The following ZNF469 variants were observed in gnomAD, a reference collection of about 807,000 sequenced individuals.
The protein encoded by ZNF469 is zinc finger protein 469.
Under a neutral mutation model 1.0 loss-of-function variants are expected in ZNF469, and 1 was observed. That is an observed-to-expected ratio of 1.00 (90% CI 0.35 to 4.73). ZNF469 has a LOEUF of 4.73. ZNF469 is among the 30% of genes most tolerant of loss of function. The pLI is 0.16. For missense variants in ZNF469, 6,100 were observed against 5,356.3 expected, an observed-to-expected ratio of 1.14 and a Z score of -4.33; for synonymous variants, 2,703 against 2,363.4, an observed-to-expected ratio of 1.14 and a Z score of -4.17.
At chr16:88,244,349 GTGAATGGGTGGATGGA>G in the ZNF469 span, among the ~76,000 whole-genome samples, 1 of 147,520 alleles carries the variant, frequency 6.8e-6, no homozygotes, top group African/African-American at 2.5e-5. Context: ...TAGTGGATGG[GTGAATGGGTGGATGGA>G]TGGATGGGTG....
chr16:88,226,356 G>A, the ZNF469 span, among the ~76,000 whole-genome samples: 76 of 152,190 alleles, frequency 5.0e-4, no homozygotes, highest in African/African-American at 1.8e-3. Flanking sequence ...AGGCGTAGGG[G>A]AGAGGCCACG....
chr16:88,199,536 G>A, the ZNF469 span, among the ~76,000 whole-genome samples: 1 of 152,192 alleles, frequency 6.6e-6, no homozygotes, highest in Non-Finnish European at 1.5e-5. Flanking sequence ...TGATGAAGGT[G>A]CCCTTGCTCC....
At chr16:88,229,216 A>AG in the ZNF469 span, among the ~76,000 whole-genome samples, 1 of 152,236 alleles carries the variant, frequency 6.6e-6, no homozygotes, top group Non-Finnish European at 1.5e-5. Flanking sequence ...ATTTTTCTCG[A>AG]GAAAAAAAAC....
chr16:88,290,199 C>T, the ZNF469 span, among the ~76,000 whole-genome samples: 1 of 152,266 alleles, frequency 6.6e-6, no homozygotes, highest in Non-Finnish European at 1.5e-5. Flanking sequence ...CGCTGCACCA[C>T]TGTCGCGGCA....
At chr16:88,324,224 G>A in the ZNF469 span, among the ~76,000 whole-genome samples, 10 of 152,370 alleles carry the variant, frequency 6.6e-5, no homozygotes, top group South Asian at 6.2e-4. Flanking sequence ...TGTCAGTTTC[G>A]GACCGCCAGC....
chr16:88,264,352 A>G, the ZNF469 span, among the ~76,000 whole-genome samples: 7 of 151,866 alleles, frequency 4.6e-5, no homozygotes, highest in African/African-American at 1.7e-4. Flanking sequence ...GCCAGCCCTG[A>G]TGCCCACCTT....
chr16:88,344,238 A>C, the ZNF469 span, among the ~76,000 whole-genome samples: 1 of 138,490 alleles, frequency 7.2e-6, no homozygotes, highest in Non-Finnish European at 1.6e-5. Context: ...GAGAAAGGGC[A>C]TGGGGGGAGA....
the ZNF469 span, among the ~76,000 whole-genome samples, chr16:88,335,041 C>T: frequency 5.3e-5 from 8 of 152,356 alleles, no homozygotes; most frequent in Admixed American, 5.2e-4. Flanking sequence ...GGGAGCCATG[C>T]AGCCACTGGG....
At chr16:88,380,910 A>C (rs537213454), upstream of ZNF469, among the ~76,000 whole-genome samples, 1 of 106,538 alleles carries the variant, frequency 9.4e-6, no homozygotes, top group Admixed American at 9.1e-5. Context: ...ACACACTCAC[A>C]GACATGCACT....
the ZNF469 span, among the ~76,000 whole-genome samples, chr16:88,356,835 G>A: frequency 3.9e-5 from 6 of 152,230 alleles, no homozygotes; most frequent in Non-Finnish European, 5.9e-5. Flanking sequence ...ATCAGTTCCT[G>A]GAGATGGGGC....
chr16:88,414,835 C>T (rs1156401289), intron 1 of ZNF469, among the ~76,000 whole-genome samples: 1 of 152,280 alleles, frequency 6.6e-6, no homozygotes, highest in Non-Finnish European at 1.5e-5. Flanking sequence ...ACGTCCACTG[C>T]CACCCGGCCC....
rs979013522 is a variant in ZNF469 at position 88,434,541 on chromosome 16, T to C, written c.7071T>C (p.Gly2357=). Residue 2357 remains glycine, a synonymous_variant, in exon 3 of 3, where the codon GGT becomes GGC. Transcript: ENST00000565624. ...AVPTEPPTLQ[G]AGPDSPACLE... ...CCACTGAGCCTCCCACGCTACAGGG[T>C]GCAGGGCCGGACTCCCCCGCCTGCC... The C allele has an allele frequency of 6.5e-7, 1 of 1,550,194 alleles. No individual in the cohort carries two copies. The highest frequency in any genetic ancestry group is 8.7e-7 in the Non-Finnish European group (1 of 1,146,926).
chr16:88,204,722 C>T, the ZNF469 span, among the ~76,000 whole-genome samples: 1 of 152,220 alleles, frequency 6.6e-6, no homozygotes, highest in Non-Finnish European at 1.5e-5. Flanking sequence ...GCCGTCTCCG[C>T]TGTGGTCTCA....
chr16:88,234,560 C>T, the ZNF469 span, among the ~76,000 whole-genome samples: 165 of 152,306 alleles, frequency 1.1e-3, no homozygotes, highest in African/African-American at 3.8e-3. Context: ...CAGGGCTGAC[C>T]GTGGCACAGC....
At chr16:88,307,560 C>T in the ZNF469 span, among the ~76,000 whole-genome samples, 1 of 152,200 alleles carries the variant, frequency 6.6e-6, no homozygotes, top group East Asian at 1.9e-4. Context: ...AGTGGCATCT[C>T]ATTGTGGTTT....
Position 88,439,100 on chromosome 16 carries a change from A to G in ZNF469, c.11630A>G (p.Gln3877Arg), listed in dbSNP as rs1305639876. ...QNKPRPPPSE[Q>R]RKAEPGHTQR... ...AAACCCAGGCCGCCACCATCAGAGC[A>G]GCGGAAGGCAGAGCCGGGCCACACA... Residue 3877 changes from glutamine to arginine, a missense_variant, in exon 3 of 3, where the codon CAG becomes CGG. Physicochemically the swap from Gln to Arg is conservative, Grantham distance 43. Transcript: ENST00000565624. 1.9e-6 allele frequency: 3 copies of G among 1,550,962 alleles called. No individual in the cohort carries two copies. The highest frequency in any genetic ancestry group is 2.4e-5 in the East Asian group (1 of 40,920).
upstream of ZNF469, among the ~76,000 whole-genome samples, chr16:88,378,534 C>T (rs779318572): frequency 6.6e-6 from 1 of 152,178 alleles, no homozygotes; most frequent in Non-Finnish European, 1.5e-5. Flanking sequence ...CATCAGAGGC[C>T]GTCCAGATGG....
At chr16:88,260,400 C>T in the ZNF469 span, among the ~76,000 whole-genome samples, 1 of 152,218 alleles carries the variant, frequency 6.6e-6, no homozygotes, top group Admixed American at 6.5e-5. This position sits in a 1 kb window ranked among gnomAD's most constrained non-coding sequence, Gnocchi z 4.1. Context: ...TCAATGAGCT[C>T]TGGGCCCCTG....
the ZNF469 span, among the ~76,000 whole-genome samples, chr16:88,134,702 GC>G: frequency 6.6e-6 from 1 of 152,222 alleles, no homozygotes; most frequent in Non-Finnish European, 1.5e-5. Context: ...GCAGGGTGTT[GC>G]CACGCGTGTA....
Sources: allele counts gnomAD v4.1 joint callset (sites outside exome capture counted in the v4.1 genomes callset), GRCh38; gene constraint gnomAD v4.1.1; non-coding constraint Gnocchi (gnomAD v3.1); transcripts MANE v1.5; gene names NCBI Gene and HGNC (gene_info 2026-07-23, HGNC 2026-07-21).